Variants in STX8 observed in about 807,000 individuals in gnomAD.
STX8 encodes the protein syntaxin-8.
STX8 carries 23 observed loss-of-function variants against 37.5 expected under a neutral mutation model. That is an observed-to-expected ratio of 0.61 (90% CI 0.44 to 0.87). The LOEUF (loss-of-function observed/expected upper bound fraction) is 0.87, where lower values mean the gene tolerates loss of function less well. Ranked by LOEUF, STX8 falls within the 40% of genes least tolerant of loss-of-function variation. STX8 has a pLI of 0.00. For missense variants in STX8, 313 were observed against 284.7 expected, an observed-to-expected ratio of 1.10 and a Z score of -0.71; for synonymous variants, 115 against 99.1, an observed-to-expected ratio of 1.16 and a Z score of -0.95.
chr17:9,430,519 G>A (rs1314557442), intron 6 of STX8, among the ~76,000 whole-genome samples: 1 of 151,458 alleles, frequency 6.6e-6, no homozygotes, highest in Non-Finnish European at 1.5e-5. Context: ...TGTCTTCCAG[G>A]TTCATATATG....
intron 7 of STX8, among the ~76,000 whole-genome samples, chr17:9,315,374 A>AGACCATG (rs1909349908): frequency 6.6e-6 from 1 of 151,902 alleles, no homozygotes; most frequent in Non-Finnish European, 1.5e-5. Flanking sequence ...TCCTGGTAAG[A>AGACCATG]GACCATGGAC....
At chr17:9,406,381 C>T (rs554595901) in intron 6 of STX8, among the ~76,000 whole-genome samples, 1 of 152,294 alleles carries the variant, frequency 6.6e-6, no homozygotes, top group African/African-American at 2.4e-5. Flanking sequence ...GCGATAACTG[C>T]TCAGGCAGAG....
intron 2 of STX8, among the ~76,000 whole-genome samples, chr17:9,563,634 G>T (rs1252478955): frequency 6.6e-6 from 1 of 152,106 alleles, no homozygotes; most frequent in Non-Finnish European, 1.5e-5. Context: ...GAAGAAGTAG[G>T]TTAAGAAAAG....
chr17:9,503,229 A>G (rs1904690689), intron 5 of STX8, among the ~76,000 whole-genome samples: 1 of 152,048 alleles, frequency 6.6e-6, no homozygotes. Flanking sequence ...TACATACTGT[A>G]TAGTTCTATT....
intron 4 of STX8, among the ~76,000 whole-genome samples, chr17:9,535,850 C>A (rs1435648012): frequency 6.6e-6 from 1 of 152,074 alleles, no homozygotes; most frequent in Non-Finnish European, 1.5e-5. Context: ...TATATAAGAG[C>A]CTAGTTAAAT....
chr17:9,430,177 TATATAAATAAA>T (rs1427474218), intron 6 of STX8, among the ~76,000 whole-genome samples: 1 of 121,432 alleles, frequency 8.2e-6, no homozygotes, highest in Non-Finnish European at 1.6e-5. Flanking sequence ...ATATAATTTA[TATATAAATAAA>T]ATATAAATTA....
intron 7 of STX8, among the ~76,000 whole-genome samples, chr17:9,362,663 C>T (rs550092532): frequency 2.8e-4 from 42 of 151,530 alleles, no homozygotes; most frequent in African/African-American, 1.0e-3. Context: ...CTAAACAAAA[C>T]ACAAAAAAGT....
At chr17:9,353,474 A>G (rs546439601) in intron 7 of STX8, among the ~76,000 whole-genome samples, 2 of 152,342 alleles carry the variant, frequency 1.3e-5, no homozygotes, top group South Asian at 4.1e-4. Context: ...GTATTTATTT[A>G]CTTAAAGTAG....
Position 9,574,628 on chromosome 17 carries a change from G to A in STX8, c.17+1164C>T, listed in dbSNP as rs573035915. Among the ~76,000 whole-genome samples the A allele has an allele frequency of 4.0e-5, 6 of 151,890 alleles. No individual in the cohort carries two copies. The South Asian group carries it at 6.2e-4, about 16-fold the overall frequency. ...CAGCTCACCACAACCTACACCTCCC[G>A]GGTTCAAGCGATTCTCCTGCCTCAG... On this transcript the variant is annotated intron_variant, in intron 1 of 7. Coordinates refer to ENST00000306357, the MANE Select transcript of STX8 (RefSeq NM_004853.3).
intron 6 of STX8, among the ~76,000 whole-genome samples, chr17:9,417,897 C>T (rs777978554): frequency 1.3e-5 from 2 of 152,202 alleles, no homozygotes; most frequent in Non-Finnish European, 2.9e-5. Context: ...GGGACAGGAG[C>T]TCCTGTGCTG....
intron 7 of STX8, among the ~76,000 whole-genome samples, chr17:9,259,009 T>C (rs1403480995): frequency 2.0e-5 from 3 of 152,134 alleles, no homozygotes; most frequent in Non-Finnish European, 4.4e-5. Flanking sequence ...CACCTTTGGT[T>C]CTTTTTTTAT....
At chr17:9,564,612 C>G (rs1485442905) in intron 2 of STX8, among the ~76,000 whole-genome samples, 2 of 152,044 alleles carry the variant, frequency 1.3e-5, no homozygotes, top group East Asian at 3.9e-4. Flanking sequence ...TTACAATTGC[C>G]AACAGAAAAT....
intron 1 of STX8, among the ~76,000 whole-genome samples, chr17:9,571,788 G>A (rs1794283719): frequency 6.6e-6 from 1 of 151,182 alleles, no homozygotes. Context: ...GGTGGCGGGT[G>A]CTTGTAATCC....
intron 1 of STX8, among the ~76,000 whole-genome samples, chr17:9,573,220 T>C (rs1597752692): frequency 6.6e-6 from 1 of 151,884 alleles, no homozygotes; most frequent in South Asian, 2.1e-4. Flanking sequence ...CTCCTCCTTT[T>C]TGGAATTCAG....
intron 6 of STX8, among the ~76,000 whole-genome samples, chr17:9,475,448 G>GAA (rs1171153518): frequency 1.3e-5 from 2 of 152,208 alleles, no homozygotes; most frequent in Non-Finnish European, 2.9e-5. Flanking sequence ...TATAAGGCAG[G>GAA]AATCAGGGCA....
intron 6 of STX8, among the ~76,000 whole-genome samples, chr17:9,384,523 AG>A (rs1911922230): frequency 6.6e-6 from 1 of 152,080 alleles, no homozygotes; most frequent in African/African-American, 2.4e-5. Context: ...CTGTAGTCCC[AG>A]CTACTCGGGA....
intron 7 of STX8, among the ~76,000 whole-genome samples, chr17:9,340,487 T>C (rs1910310258): frequency 6.6e-6 from 1 of 152,150 alleles, no homozygotes; most frequent in Non-Finnish European, 1.5e-5. Context: ...TGATAAACAC[T>C]AGCATGGTTT....
intron 5 of STX8, among the ~76,000 whole-genome samples, chr17:9,494,589 C>G (rs2142482197): frequency 1.7e-5 from 2 of 115,546 alleles, no homozygotes; most frequent in South Asian, 5.6e-4. Context: ...GCACTCCAGC[C>G]TGGGTAACAG....
chr17:9,386,918 G>A (rs1912033460), intron 6 of STX8, among the ~76,000 whole-genome samples: 1 of 151,998 alleles, frequency 6.6e-6, no homozygotes, highest in Admixed American at 6.6e-5. Context: ...TGCCCAGGCT[G>A]GAGTGCAGTG....
Sources: gnomAD v4.1 joint callset for allele counts (sites outside exome capture counted in the v4.1 genomes callset) on GRCh38, gnomAD v4.1.1 for gene constraint, MANE v1.5 for transcripts, NCBI Gene and HGNC (gene_info 2026-07-23, HGNC 2026-07-21) for gene names.